Variants in HEXA observed in about 807,000 individuals in gnomAD.
The protein encoded by HEXA is beta-hexosaminidase subunit alpha.
In HEXA, 54 loss-of-function variants were observed where a neutral mutation model predicts 73.3. The observed-to-expected ratio is 0.74, with a 90% confidence interval of 0.59 to 0.92. HEXA has a LOEUF of 0.92. HEXA is among the 40% of genes least tolerant of loss of function. HEXA has a pLI of 0.00. For missense variants in HEXA, 649 were observed against 653.0 expected (o/e 0.99, Z 0.07); for synonymous variants, 230 against 246.9 (o/e 0.93, Z 0.64).
intron 5 of HEXA, 103 bp from the exon 6 acceptor site, chr15:72,351,337 C>T (rs1171316494): frequency 1.3e-6 from 1 of 770,864 alleles, no homozygotes; most frequent in Admixed American, 1.8e-5. Flanking sequence ...CACACCCCTA[C>T]AGGCTTGACC....
chr15:72,351,938 C>CTCCTTCCT (rs113434085), intron 5 of HEXA: 18,333 of 152,548 alleles, frequency 0.12, 1,631 homozygotes, highest in African/African-American at 0.24. Flanking sequence ...ATGCCTCAGC[C>CTCCTTCCT]TCCTTCCTTC....
Position 72,346,522 on chromosome 15 carries a change from T to A in HEXA, c.1330+5A>T. The A allele has an allele frequency of 6.2e-7, 1 of 1,613,542 alleles. No individual in the cohort carries two copies. Among genetic ancestry groups the A allele is most frequent in the African/African-American group, 1.3e-5 (1 of 75,032 alleles). On this transcript the variant is annotated splice_donor_5th_base_variant and intron_variant, in intron 11 of 13. Coordinates refer to ENST00000268097, the MANE Select transcript of HEXA (RefSeq NM_000520.6). The stretch of plus-strand genomic sequence containing the variant: ...TGGTTAGCAAGGAGAGCTCTCTGCT[T>A]TCACCTTCAAATGCCAGGGGTTCCA...
At chr15:72,370,387 A>G (rs2088973768) in intron 1 of HEXA, 1 of 372,860 alleles carries the variant, frequency 2.7e-6, no homozygotes. Context: ...ATACAGGGAT[A>G]CTAGAAAAGT....
At chr15:72,350,056 G>A (rs1420400670) in intron 7 of HEXA, among the ~76,000 whole-genome samples, 1 of 152,086 alleles carries the variant, frequency 6.6e-6, no homozygotes, top group Non-Finnish European at 1.5e-5. Flanking sequence ...GAGCCACCAC[G>A]CCCGGCCAAT....
At position 72,376,002 on chromosome 15, in the gene HEXA, C is replaced by T. The variant is rs748806533; in HGVS notation, c.-30G>A. 6.2e-7 allele frequency: 1 copy of T among 1,609,096 alleles called. No individual in the cohort carries two copies. Among genetic ancestry groups the T allele is most frequent in the Non-Finnish European group, 8.5e-7 (1 of 1,179,912 alleles). On this transcript the variant is annotated 5_prime_UTR_variant, in exon 1 of 14. Transcript: ENST00000268097. ...CGCTGGTCTCCCCTCTCGGAGGGGG[C>T]TGGCCACGTGAGACCCTGGTCAGGT... is the stretch of plus-strand genomic sequence containing the variant.
chr15:72,344,151 A>G lies in HEXA; in HGVS notation c.1527-11T>C. 1 of 1,612,758 alleles carries G rather than the reference A, an allele frequency of 6.2e-7. No individual in the cohort carries two copies. Among genetic ancestry groups the G allele is most frequent in the Non-Finnish European group, 8.5e-7 (1 of 1,178,854 alleles). ...GCCTGGACACCTCGCCTGCAAGAGGACATGAAGAAATGGCAAGATAAGCCC... is the reference window on the plus strand; with the variant it reads ...GCCTGGACACCTCGCCTGCAAGAGGGCATGAAGAAATGGCAAGATAAGCCC... On this transcript the variant is annotated splice_polypyrimidine_tract_variant and intron_variant, in intron 13 of 13. Transcript: ENST00000268097.
In HEXA at chr15:72,346,281, T is replaced by A. The variant is rs547192168; in HGVS notation, c.1375A>T (p.Met459Leu). The part of the protein sequence containing the change: ...KALVIGGEAC[M>L]WGEYVDNTNL... ...GTGTTGTCCACATATTCTCCCCACA[T>A]ACAAGCCTCTCCACCAATCACCAGA... Residue 459 changes from methionine (M) to leucine (L), a missense_variant, in exon 12 of 14, where the codon ATG (methionine) becomes TTG (leucine). Met to Leu is a conservative substitution (Grantham distance 15). Transcript: ENST00000268097. 1.2e-6 allele frequency: 2 copies of A among 1,614,034 alleles called. No homozygotes were observed. The highest frequency in any genetic ancestry group is 1.7e-5 in the Admixed American group (1 of 60,016).
rs925172774 is a variant in HEXA at position 72,373,285 on chromosome 15, G to A, written c.253+2435C>T. 3.5e-4 allele frequency among the ~76,000 whole-genome samples: 54 copies of A among 152,130 alleles called. 1 individual carries two copies. On this transcript the variant is annotated intron_variant, in intron 1 of 13. Transcript: ENST00000268097. ...CAGACTCATAAAGAAATGTATTCTGGCTTCAGCCTTGTTGGTATTGCTCTA... is the reference window on the plus strand; with the variant it reads ...CAGACTCATAAAGAAATGTATTCTGACTTCAGCCTTGTTGGTATTGCTCTA...
At chr15:72,348,164 C>T (rs1055244053) in intron 8 of HEXA, 30 bp from the exon 9 acceptor site, 6 of 1,484,344 alleles carry the variant, frequency 4.0e-6, no homozygotes, top group Middle Eastern at 3.4e-4. Context: ...GAAGATTAAT[C>T]TTTCAACATC....
At chr15:72,372,836 G>GTT (rs2089010711) in intron 1 of HEXA, among the ~76,000 whole-genome samples, 1 of 152,186 alleles carries the variant, frequency 6.6e-6, no homozygotes, top group African/African-American at 2.4e-5. Context: ...TATTGCATTA[G>GTT]GAAAAACACT....
At chr15:72,374,042 C>T (rs904543768) in intron 1 of HEXA, among the ~76,000 whole-genome samples, 1 of 151,612 alleles carries the variant, frequency 6.6e-6, no homozygotes, top group South Asian at 2.1e-4. Flanking sequence ...GAATTATTCT[C>T]ATGTATACAA....
intron 1 of HEXA, among the ~76,000 whole-genome samples, chr15:72,364,803 T>A (rs1467094557): frequency 6.6e-6 from 1 of 151,920 alleles, no homozygotes; most frequent in Non-Finnish European, 1.5e-5. Flanking sequence ...GTATTTCTTT[T>A]TAAGTTTTAA....
In HEXA at chr15:72,345,513, T is replaced by G; in HGVS notation, c.1459A>C (p.Asn487His). The G allele has an allele frequency of 6.2e-7, 1 of 1,614,262 alleles. No homozygotes were observed. Among genetic ancestry groups the G allele is most frequent in the Non-Finnish European group, 8.5e-7 (1 of 1,180,046 alleles). Residue 487 changes from asparagine (N) to histidine (H), a missense_variant, in exon 13 of 14, where the codon AAC (asparagine) becomes CAC (histidine). Transcript: ENST00000268097. ...AGAVAERLWS[N>H]KLTSDLTFAY... ...AATGTCAGGTCAGATGTCAACTTGT[T>G]GCTCCACAGCCTTTCGGCAACAGCC...
rs2088664140 is a variant in HEXA, at chr15:72,349,252, A to G, written c.813T>C (p.Pro271=). The G allele has an allele frequency of 6.2e-7, 1 of 1,613,776 alleles. No homozygotes were observed. The highest frequency in any genetic ancestry group is 1.3e-5 in the African/African-American group (1 of 74,940). ...CAGAGTAGCAAGGAGTCAGTAATCC[A>G]GGGATACCTAAGCCAAGAGAAAACC... ...GHTLSWGPGI[P]GLLTPCYSGS... Residue 271 remains proline (P), a synonymous_variant, in exon 8 of 14, where the codon CCT becomes CCC. Transcript: ENST00000268097.
At position 72,348,113 on chromosome 15, in the gene HEXA, C is replaced by A; in HGVS notation, c.1008G>T (p.Gln336His). 6.2e-7 allele frequency: 1 copy of A among 1,613,030 alleles called. No homozygotes were observed. The highest frequency in any genetic ancestry group is 8.5e-7 in the Non-Finnish European group (1 of 1,178,992). Residue 336 changes from glutamine to histidine, a missense_variant, in exon 9 of 14, where the codon CAG becomes CAT. Physicochemically the swap from Gln to His is conservative, Grantham distance 24. Transcript: ENST00000268097. Reference protein sequence around the residue: ...FTCWKSNPEIQDFMRKKGFGE... With the variant: ...FTCWKSNPEIHDFMRKKGFGE... ...CGAAGCCTTTCTTCCTCATAAAGTC[C>A]TGGATCTCTGGGTTGGACTTCCTGA...
intron 5 of HEXA, 84 bp downstream of exon 5, chr15:72,352,984 C>CT (rs2088720152): frequency 8.3e-6 from 7 of 848,284 alleles, no homozygotes; most frequent in Non-Finnish European, 1.4e-5. Flanking sequence ...CTCTCTAACT[C>CT]TTTAAGAATT....
chr15:72,348,782 C>G (rs968902879), intron 8 of HEXA, among the ~76,000 whole-genome samples: 2 of 152,200 alleles, frequency 1.3e-5, no homozygotes, highest in African/African-American at 4.8e-5. Flanking sequence ...CCTTCATAAA[C>G]AGGGATTATT....
At chr15:72,356,393 C>G (rs750223495) in intron 2 of HEXA, 132 bp downstream of exon 2, 21 of 912,064 alleles carry the variant, frequency 2.3e-5, no homozygotes, top group Non-Finnish European at 3.7e-5. Context: ...GCTCTCAGCA[C>G]TTGGTGACCC....
chr15:72,349,200 G>A lies in HEXA; in HGVS notation c.865C>T (p.Pro289Ser). 3 of 1,613,970 alleles carry A rather than the reference G, an allele frequency of 1.9e-6. No homozygotes were observed. Among genetic ancestry groups the A allele is most frequent in the Non-Finnish European group, 2.5e-6 (3 of 1,179,836 alleles). The change falls in exon 8 of 14, where the codon CCA becomes TCA. Residue 289 changes from proline (P) to serine (S), a missense_variant. Transcript: ENST00000268097. ...GTATTATTGAGACTGGGATTCACTG[G>A]TCCAAAGGTGCCAGAGGGCTCAGAC... ...SGSEPSGTFG[P>S]VNPSLNNTYE...
Sources: gnomAD v4.1 joint callset for allele counts (sites outside exome capture counted in the v4.1 genomes callset) on GRCh38, gnomAD v4.1.1 for gene constraint, MANE v1.5 for transcripts, NCBI Gene and HGNC (gene_info 2026-07-23, HGNC 2026-07-21) for gene names.